The following VPS13C variants were observed in gnomAD, a reference collection of about 807,000 sequenced individuals.
The protein encoded by VPS13C is vacuolar protein sorting 13 homolog C.
VPS13C carries 358 observed loss-of-function variants against 456.8 expected under a neutral mutation model. The observed-to-expected ratio is 0.78, with a 90% CI of 0.72 to 0.86. VPS13C has a LOEUF of 0.86. VPS13C is among the 40% of genes least tolerant of loss of function. The pLI, the probability that VPS13C is intolerant of heterozygous loss-of-function variation, is 0.00. For synonymous variants in VPS13C, 1,578 were observed against 1,486.7 expected, an observed-to-expected ratio of 1.06 and a Z score of -1.41; for missense variants, 4,818 against 4,385.4, an observed-to-expected ratio of 1.10 and a Z score of -2.79.
chr15:61,878,089 T>G (rs894032400), intron 74 of VPS13C, among the ~76,000 whole-genome samples: 3 of 151,940 alleles, frequency 2.0e-5, no homozygotes, highest in African/African-American at 7.2e-5. Context: ...ACCTCCTCTA[T>G]TCAGAGATTG....
At chr15:61,864,651 C>T in intron 81 of VPS13C, 1 of 985,406 alleles carries the variant, frequency 1.0e-6, no homozygotes, top group Non-Finnish European at 1.2e-6. Context: ...CTAGTCATTC[C>T]TTGACAATTG....
intron 19 of VPS13C, among the ~76,000 whole-genome samples, chr15:61,984,577 ACTT>A (rs1258297630): frequency 2.0e-5 from 3 of 152,144 alleles, no homozygotes; most frequent in East Asian, 3.8e-4. Context: ...GAAAACAAAA[ACTT>A]ACTGTACTTG....
intron 37 of VPS13C, among the ~76,000 whole-genome samples, chr15:61,957,167 A>C (rs967762802): frequency 1.3e-5 from 2 of 152,162 alleles, no homozygotes; most frequent in African/African-American, 2.4e-5. Context: ...TGAATCTCGC[A>C]AACAAAATGA....
At position 62,037,301 on chromosome 15, in the gene VPS13C, T is replaced by TATATTATATATATTATATA. The variant is rs2048065564; in HGVS notation, c.188-2250_188-2249insTATATAATATATATAATAT. On this transcript the variant is annotated intron_variant, in intron 3 of 84. Transcript: ENST00000644861. ...ATATTATATATATTATATTATATAA[T>TATATTATATATATTATATA]ATATATATAAATATATTATATATTA... Among the ~76,000 whole-genome samples the TATATTATATATATTATATA allele has an allele frequency of 4.2e-5, 3 of 71,320 alleles. 1 individual carries two copies. Among genetic ancestry groups the TATATTATATATATTATATA allele is most frequent in the African/African-American group, 2.1e-4 (3 of 14,362 alleles). The allele number at this position is 71,320 out of a possible 152,430, so 46.8% of individuals were successfully genotyped here. A position where few individuals can be genotyped will look rare whatever the true frequency, so the allele number is the denominator to read the frequency against.
intron 6 of VPS13C, among the ~76,000 whole-genome samples, chr15:62,026,295 A>G: frequency 6.6e-6 from 1 of 151,956 alleles, no homozygotes; most frequent in Non-Finnish European, 1.5e-5. Context: ...TTACACATGT[A>G]TGATTTTTAT....
chr15:62,006,834 T>A (rs1438090631), intron 15 of VPS13C, among the ~76,000 whole-genome samples: 1 of 152,220 alleles, frequency 6.6e-6, no homozygotes, highest in Non-Finnish European at 1.5e-5. Flanking sequence ...GTGGTTTTGA[T>A]TTGCATTTCT....
chr15:61,922,810 A>C (rs761832570), intron 53 of VPS13C, 48 bp from the exon 54 acceptor site: 24 of 1,452,644 alleles, frequency 1.7e-5, no homozygotes, highest in Non-Finnish European at 2.1e-5. Context: ...TCTTTCCCAG[A>C]TGAGAATATA....
intron 29 of VPS13C, among the ~76,000 whole-genome samples, chr15:61,966,580 T>C (rs1318766352): frequency 6.6e-6 from 1 of 151,940 alleles, no homozygotes; most frequent in Non-Finnish European, 1.5e-5. Context: ...GTCAAAAATC[T>C]GTCTCCCATC....
rs2045130592 is a variant in VPS13C, at chr15:61,959,712, G to A, written c.3909-117C>T. 8 of 978,656 alleles carry A rather than the reference G, an allele frequency of 8.2e-6. No individual in the cohort carries two copies. In the South Asian group the frequency reaches 1.7e-4, roughly 21 times the overall value. 60.6% of individuals were successfully genotyped at this position (978,656 alleles called of 1,614,324 possible). ...TCTAAATACTGATCTGAAACAGTGT[G>A]GCTTGAGTATTTTCAAAACTGAACC... is the stretch of plus-strand genomic sequence containing the variant. On this transcript the variant is annotated intron_variant, in intron 35 of 84. Transcript: ENST00000644861.
intron 61 of VPS13C, among the ~76,000 whole-genome samples, chr15:61,914,493 C>T (rs368844923): frequency 2.0e-5 from 3 of 151,740 alleles, no homozygotes; most frequent in African/African-American, 7.2e-5. Flanking sequence ...CGCTTGAACC[C>T]GGGAGGCGGA....
chr15:61,890,168 G>A lies in VPS13C; in HGVS notation c.9338C>T (p.Thr3113Ile), dbSNP rs768229530. The A allele has an allele frequency of 1.2e-6, 2 of 1,613,736 alleles. No individual in the cohort carries two copies. Among genetic ancestry groups the A allele is most frequent in the Non-Finnish European group, 8.5e-7 (1 of 1,179,868 alleles). ...SKQEVSYIGI[T>I]SSGVVWEVKP... ...TCTTATTTTCCTTCTTGCATACCTG[G>A]TTATCCCAATATAGGAAACTTCCTG... The change falls in exon 67 of 85, where the codon ACC (threonine) becomes ATC (isoleucine). Residue 3113 changes from threonine to isoleucine, a missense_variant. Transcript: ENST00000644861.
In VPS13C at chr15:61,864,538, A is replaced by G. The variant is rs975237547; in HGVS notation, c.10864-1010T>C. The stretch of plus-strand genomic sequence containing the variant: ...TTTTACGACCAAGAATATAATGCCA[A>G]TATTATTAAAAGGATAATATAATCA... On this transcript the variant is annotated intron_variant, in intron 81 of 84. Transcript: ENST00000644861. 13 of 902,496 alleles carry G rather than the reference A, an allele frequency of 1.4e-5. No homozygotes were observed. The South Asian group carries it at 2.0e-4, about 14-fold the overall frequency. 55.9% of individuals were successfully genotyped at this position (902,496 alleles called of 1,614,324 possible).
chr15:61,983,820 A>G lies in VPS13C; in HGVS notation c.1914T>C (p.Ala638=), dbSNP rs776952977. 40 of 1,613,318 alleles carry G rather than the reference A, an allele frequency of 2.5e-5. No individual in the cohort carries two copies. The highest frequency in any genetic ancestry group is 1.7e-5 in the Non-Finnish European group (20 of 1,179,860). The change falls in exon 20 of 85, where the codon GCT becomes GCC. Residue 638 remains alanine (A), a splice_region_variant and synonymous_variant. Coordinates refer to ENST00000644861, the MANE Select transcript of VPS13C (RefSeq NM_020821.3). ...QSQPVEVIYD[A]KTVNAVVEFF... is the part of the protein sequence containing the mutation. ...AGAGTTACTTTCTCCTTGCACTTAC[A>G]GCATCATAGATGACCTCCACAGGCT...
intron 5 of VPS13C, 138 bp downstream of exon 5, chr15:62,033,303 G>T (rs2047879290): frequency 2.2e-6 from 1 of 450,822 alleles, no homozygotes; most frequent in Non-Finnish European, 3.8e-6. Flanking sequence ...GAAAATATAA[G>T]CAATATTTTG....
In VPS13C at chr15:61,962,784, C is replaced by G; in HGVS notation, c.3400G>C (p.Val1134Leu). ...SLFARLENII[V>L]TDVDPKTVHK... ...ACTGTCTTTGGATCAACATCTGTGA[C>G]AATAATATTTTCTAGTCGGGCAAAA... Residue 1134 changes from valine to leucine, a missense_variant, in exon 33 of 85, where the codon GTC (valine) becomes CTC (leucine). Val to Leu is a conservative substitution (Grantham distance 32, BLOSUM62 1). Transcript: ENST00000644861. The G allele has an allele frequency of 1.2e-6, 2 of 1,607,426 alleles. No individual in the cohort carries two copies. The highest frequency in any genetic ancestry group is 1.7e-6 in the Non-Finnish European group (2 of 1,176,016).
intron 66 of VPS13C, among the ~76,000 whole-genome samples, chr15:61,896,580 G>T (rs914051174): frequency 2.0e-5 from 3 of 152,102 alleles, no homozygotes; most frequent in African/African-American, 7.2e-5. Flanking sequence ...ATTATATCCC[G>T]CACCTGGCTC....
chr15:61,861,121 C>A (rs72747856), intron 82 of VPS13C, among the ~76,000 whole-genome samples: 12,718 of 151,804 alleles, frequency 0.084, 840 homozygotes, highest in East Asian at 0.21. Flanking sequence ...GCCACAAAGT[C>A]CAGCTAATTT....
chr15:61,874,360 A>C (rs2140884949), intron 77 of VPS13C, among the ~76,000 whole-genome samples: 1 of 152,142 alleles, frequency 6.6e-6, no homozygotes, highest in East Asian at 1.9e-4. Context: ...AAGAAATGAT[A>C]AATGTTCGAG....
chr15:62,006,316 C>T (rs1467802254), intron 15 of VPS13C, among the ~76,000 whole-genome samples: 1 of 152,018 alleles, frequency 6.6e-6, no homozygotes, highest in Non-Finnish European at 1.5e-5. Context: ...CATGTGTTCT[C>T]ATTGTTCAAT....
Sources: gnomAD v4.1 joint callset for allele counts (sites outside exome capture counted in the v4.1 genomes callset) on GRCh38, gnomAD v4.1.1 for gene constraint, MANE v1.5 for transcripts, NCBI Gene and HGNC (gene_info 2026-07-23, HGNC 2026-07-21) for gene names.